MCFD2: variants seen among roughly 807,000 people sequenced by gnomAD.
MCFD2 encodes multiple coagulation factor deficiency 2, ER cargo receptor complex subunit, also known as multiple coagulation factor deficiency protein 2.
In MCFD2, 11 loss-of-function variants were observed where a neutral mutation model predicts 12.8. That is an observed-to-expected ratio of 0.86 (90% confidence interval 0.54 to 1.42). The LOEUF (loss-of-function observed/expected upper bound fraction) is 1.42. Ranked by LOEUF, MCFD2 falls within the 40% of genes most tolerant of loss-of-function variation. MCFD2 has a pLI of 0.00. For missense variants in MCFD2, 191 were observed against 178.6 expected, an observed-to-expected ratio of 1.07 and a Z score of -0.40; for synonymous variants, 70 against 68.1, an observed-to-expected ratio of 1.03 and a Z score of -0.14.
In MCFD2 at chr2:46,908,992, C is replaced by A. The variant is rs570218979; in HGVS notation, c.149+31G>T. The A allele has an allele frequency of 6.2e-7, 1 of 1,613,554 alleles. No homozygotes were observed. The highest frequency in any genetic ancestry group is 1.1e-5 in the South Asian group (1 of 91,072). On this transcript the variant is annotated intron_variant, in intron 2 of 3. Coordinates refer to ENST00000319466, the MANE Select transcript of MCFD2 (RefSeq NM_139279.6). This position sits in a 1 kb window ranked among gnomAD's most constrained non-coding sequence, Gnocchi z 4.5. ...GCTCAGCTGCAGATGATGGGGAGGCCACTGGACCACAGCCCGGGCTGAATA... is the reference window on the plus strand; with the variant it reads ...GCTCAGCTGCAGATGATGGGGAGGCAACTGGACCACAGCCCGGGCTGAATA...
intron 3 of MCFD2, among the ~76,000 whole-genome samples, chr2:46,906,570 C>T (rs949945651): frequency 7.4e-5 from 11 of 148,928 alleles, no homozygotes; most frequent in African/African-American, 1.2e-4. Flanking sequence ...ACTGCAGCCT[C>T]GACCTCCCAG....
intron 3 of MCFD2, chr2:46,906,974 G>T (rs1668267470): frequency 6.6e-6 from 1 of 152,276 alleles, no homozygotes; most frequent in Admixed American, 6.5e-5. Context: ...GAGTAGCTGG[G>T]ACTACAGGCA....
At chr2:46,906,053 G>A (rs1051492902) in intron 3 of MCFD2, 9 of 469,750 alleles carry the variant, frequency 1.9e-5, no homozygotes, top group East Asian at 6.9e-5. Flanking sequence ...AGGCACTGCC[G>A]ATGAGCAGAA....
intron 1 of MCFD2, among the ~76,000 whole-genome samples, chr2:46,922,967 CCT>C (rs1281502875): frequency 6.6e-6 from 1 of 152,198 alleles, no homozygotes; most frequent in Non-Finnish European, 1.5e-5. Context: ...CCCAAGACCC[CCT>C]CTTTATTACA....
In MCFD2 at chr2:46,941,562, C is replaced by A; in HGVS notation, c.-8+10G>T. On this transcript the variant is annotated intron_variant, in intron 1 of 2. Coordinates refer to the MCFD2 transcript ENST00000409147. This position sits in a 1 kb window ranked among gnomAD's most constrained non-coding sequence, Gnocchi z 4.2. ...AGAAGATGGCTGCGAAGGGCGCGCA[C>A]GGCTCCTACCTGAAGGTGGAGAGCG... 1 of 1,556,046 alleles carries A rather than the reference C, an allele frequency of 6.4e-7. No homozygotes were observed. The highest frequency in any genetic ancestry group is 8.7e-7 in the Non-Finnish European group (1 of 1,150,388).
chr2:46,902,825 C>T lies in MCFD2; in HGVS notation c.*2638G>A, dbSNP rs905072261. ...TGTTTGCCTGAAGAGATAGGAACCA[C>T]CAGGGCAAACATTTGGTATTCACTC... On this transcript the variant is annotated 3_prime_UTR_variant, in exon 4 of 4. Coordinates refer to ENST00000319466, the MANE Select transcript of MCFD2 (RefSeq NM_139279.6). The T allele has an allele frequency of 5.9e-5, 9 of 152,138 alleles. No individual in the cohort carries two copies. Among genetic ancestry groups the T allele is most frequent in the African/African-American group, 2.2e-4 (9 of 41,426 alleles). 9.4% of individuals were successfully genotyped at this position (152,138 alleles called of 1,614,324 possible).
upstream of MCFD2, chr2:46,915,807 C>CGGGGGGGGGGGGGGGGG: frequency 8.3e-5 from 7 of 84,830 alleles, no homozygotes; most frequent in Non-Finnish European, 1.0e-4. Context: ...CTCGGCTTCG[C>CGGGGGGGGGGGGGGGGG]CCCGCCCCCC....
At chr2:46,915,905 T>G, upstream of MCFD2, 2 of 983,606 alleles carry the variant, frequency 2.0e-6, no homozygotes, top group South Asian at 4.7e-5. Context: ...GGCGGCGGGC[T>G]GTGAGGACGG....
chr2:46,908,198 C>G lies in MCFD2; in HGVS notation c.150-229G>C. On this transcript the variant is annotated intron_variant, in intron 2 of 3. Coordinates refer to ENST00000319466, the MANE Select transcript of MCFD2 (RefSeq NM_139279.6). This position sits in a 1 kb window ranked among gnomAD's most constrained non-coding sequence, Gnocchi z 4.5. ...GCTGGCAGGATTAGGGTATTCTTTC[C>G]TCTTTATTATTAGAATTTTGTTATA... The G allele has an allele frequency of 1.7e-6, 1 of 578,758 alleles. No homozygotes were observed. The allele number at this position is 578,758 out of a possible 1,614,324, so 35.9% of individuals were successfully genotyped here. A position where few individuals can be genotyped will look rare whatever the true frequency, so the allele number is the denominator to read the frequency against.
chr2:46,939,998 A>C (rs1192769411), intron 1 of MCFD2, among the ~76,000 whole-genome samples: 1 of 152,134 alleles, frequency 6.6e-6, no homozygotes, highest in Non-Finnish European at 1.5e-5. Context: ...CTGCCCACCA[A>C]ACAAGGACTG....
intron 1 of MCFD2, among the ~76,000 whole-genome samples, chr2:46,928,700 G>A (rs1318472249): frequency 6.6e-6 from 1 of 151,966 alleles, no homozygotes. Context: ...AACACAGGAG[G>A]TTGAGGCTGC....
chr2:46,908,233 G>T lies in MCFD2; in HGVS notation c.150-264C>A. On this transcript the variant is annotated intron_variant, in intron 2 of 3. Coordinates refer to ENST00000319466, the MANE Select transcript of MCFD2 (RefSeq NM_139279.6). This position sits in a 1 kb window ranked among gnomAD's most constrained non-coding sequence, Gnocchi z 4.5. ...TTAGAATTTTGTTATAACATTTTCA[G>T]GCCATCAATTTAAAAATATGTCCTT... 1 of 514,796 alleles carries T rather than the reference G, an allele frequency of 1.9e-6. No individual in the cohort carries two copies. The highest frequency in any genetic ancestry group is 3.5e-6 in the Non-Finnish European group (1 of 286,790). 31.9% of individuals were successfully genotyped at this position (514,796 alleles called of 1,614,324 possible). A position where few individuals can be genotyped will look rare whatever the true frequency, so the allele number is the denominator to read the frequency against.
At chr2:46,935,663 C>T (rs917110408) in intron 1 of MCFD2, among the ~76,000 whole-genome samples, 2 of 152,232 alleles carry the variant, frequency 1.3e-5, no homozygotes, top group African/African-American at 4.8e-5. Context: ...ACCTCCTCAA[C>T]ACTGCAGTCC....
At chr2:46,933,223 G>A (rs939097671) in intron 1 of MCFD2, among the ~76,000 whole-genome samples, 8 of 152,150 alleles carry the variant, frequency 5.3e-5, no homozygotes, top group Non-Finnish European at 8.8e-5. Flanking sequence ...CTGGGACCCC[G>A]AGGAACAGAA....
At chr2:46,905,646 T>A in intron 3 of MCFD2, 52 bp from the exon 4 acceptor site, 1 of 1,576,718 alleles carries the variant, frequency 6.3e-7, no homozygotes, top group Non-Finnish European at 8.7e-7. Context: ...CCGGAAGAAG[T>A]GCTTAACTAA....
rs1668028855 is a variant in MCFD2, at chr2:46,901,879, C to T, written c.*3584G>A. 6.6e-6 allele frequency: 1 copy of T among 152,638 alleles called. No homozygotes were observed. The highest frequency in any genetic ancestry group is 2.4e-5 in the African/African-American group (1 of 41,454). The allele number at this position is 152,638 out of a possible 1,614,324, so 9.5% of individuals were successfully genotyped here. A position where few individuals can be genotyped will look rare whatever the true frequency, so the allele number is the denominator to read the frequency against. On this transcript the variant is annotated 3_prime_UTR_variant, in exon 4 of 4. Transcript: ENST00000319466. The surrounding 1 kb of genome is among the most constrained non-coding windows in gnomAD (Gnocchi z 4.3). The stretch of plus-strand genomic sequence containing the variant: ...ACAAAATCAACTGCTCGAGGTTTTG[C>T]TTCATCAGTTTTATTGGTCATATAT...
At chr2:46,921,095 A>G (rs1669081147) in intron 1 of MCFD2, among the ~76,000 whole-genome samples, 1 of 152,180 alleles carries the variant, frequency 6.6e-6, no homozygotes, top group African/African-American at 2.4e-5. Flanking sequence ...TTTTCCCTTA[A>G]TATCAGGAAC....
At position 46,940,316 on chromosome 2, in the gene MCFD2, T is replaced by C. The variant is rs1323257072; in HGVS notation, c.-8+1256A>G. Among the ~76,000 whole-genome samples, 2 of 152,164 alleles carry C rather than the reference T, an allele frequency of 1.3e-5. No individual in the cohort carries two copies. The highest frequency in any genetic ancestry group is 4.8e-5 in the African/African-American group (2 of 41,458). On this transcript the variant is annotated intron_variant, in intron 1 of 2. Coordinates refer to the MCFD2 transcript ENST00000409147. The surrounding 1 kb of genome is among the most constrained non-coding windows in gnomAD (Gnocchi z 4.7). ...TGAGTCTTCAGTCTGGACCATACAA[T>C]GTGTCACTTAAATGCCGGTGGTTTT...
intron 1 of MCFD2, among the ~76,000 whole-genome samples, chr2:46,926,056 A>T (rs1387484682): frequency 6.6e-6 from 1 of 152,154 alleles, no homozygotes; most frequent in Non-Finnish European, 1.5e-5. Context: ...AGGTGCCCTT[A>T]GTCTCTTATT....
Sources: gnomAD v4.1 joint callset for allele counts (sites outside exome capture counted in the v4.1 genomes callset) on GRCh38, gnomAD v4.1.1 for gene constraint, Gnocchi (gnomAD v3.1) non-coding constraint, MANE v1.5 for transcripts, NCBI Gene and HGNC (gene_info 2026-07-23, HGNC 2026-07-21) for gene names.